ZBTB34: variants seen among roughly 807,000 people sequenced by gnomAD.
ZBTB34 encodes zinc finger and BTB domain-containing protein 34.
ZBTB34 carries 1 observed loss-of-function variant against 33.4 expected under a neutral mutation model. The ratio of observed to expected loss-of-function variants is 0.03; its 90% CI spans 0.01 to 0.14. ZBTB34 has a LOEUF of 0.14. Ranked by LOEUF, ZBTB34 falls within the 10% of genes least tolerant of loss-of-function variation. ZBTB34 has a pLI of 1.00. For missense variants in ZBTB34, 406 were observed against 657.2 expected (o/e 0.62, Z 4.18); for synonymous variants, 283 against 253.5 (o/e 1.12, Z -1.11).
chr9:126,876,080 C>A (rs762551497), intron 1 of ZBTB34, among the ~76,000 whole-genome samples: 1 of 144,450 alleles, frequency 6.9e-6, no homozygotes, highest in Non-Finnish European at 1.5e-5. Context: ...GATATTGGGG[C>A]TAGCTATTGG....
At chr9:126,862,063 T>C (rs753732161) in intron 1 of ZBTB34, among the ~76,000 whole-genome samples, 3 of 152,156 alleles carry the variant, frequency 2.0e-5, no homozygotes, top group Non-Finnish European at 4.4e-5. Flanking sequence ...GAGACAAGGC[T>C]GTGTGCTGTA....
chr9:126,878,662 A>G (rs927060696), intron 1 of ZBTB34, among the ~76,000 whole-genome samples: 4 of 151,966 alleles, frequency 2.6e-5, no homozygotes, highest in African/African-American at 9.7e-5. Flanking sequence ...GTTGAAAAAT[A>G]CCAATCAGAA....
intron 1 of ZBTB34, among the ~76,000 whole-genome samples, chr9:126,873,785 A>G (rs1022627149): frequency 1.4e-4 from 21 of 148,476 alleles, no homozygotes; most frequent in African/African-American, 5.2e-4. Flanking sequence ...TTGTATTTTT[A>G]GTAGAGACAG....
intron 1 of ZBTB34, among the ~76,000 whole-genome samples, chr9:126,866,729 G>T (rs1199482976): frequency 1.3e-5 from 2 of 151,476 alleles, no homozygotes; most frequent in Non-Finnish European, 1.5e-5. Flanking sequence ...TAGATTCCTT[G>T]GTTTAAAAAA....
intron 1 of ZBTB34, among the ~76,000 whole-genome samples, chr9:126,868,964 C>T (rs1564221368): frequency 6.6e-6 from 1 of 151,884 alleles, no homozygotes; most frequent in Non-Finnish European, 1.5e-5. Context: ...TACACGGTGG[C>T]CGCGGGGCCC....
rs1460584403 is a variant in ZBTB34, at chr9:126,879,747, G to A, written c.348G>A (p.Gln116=). The change falls in exon 2 of 2, where the codon CAG becomes CAA. Residue 116 remains glutamine, a synonymous_variant. Coordinates refer to ENST00000319119, the Ensembl canonical transcript of ZBTB34. This position sits in a 1 kb window ranked among gnomAD's most constrained non-coding sequence, Gnocchi z 6.4. Reference sequence around the variant, plus strand: ...CTGCAGCCAGCTTTCTTCAGATGCAGTGTGTCATTGACAAGTGCACGCAGA... The same window carrying A: ...CTGCAGCCAGCTTTCTTCAGATGCAATGTGTCATTGACAAGTGCACGCAGA... 6.2e-7 allele frequency: 1 copy of A among 1,613,526 alleles called. No individual in the cohort carries two copies. Among genetic ancestry groups the A allele is most frequent in the Non-Finnish European group, 8.5e-7 (1 of 1,179,906 alleles).
chr9:126,863,704 C>G, intron 1 of ZBTB34: 1 of 985,380 alleles, frequency 1.0e-6, no homozygotes, highest in Non-Finnish European at 1.2e-6. Flanking sequence ...TGGAAGAATG[C>G]AAGTCAAGGT....
exon 2 of ZBTB34, chr9:126,881,423 A>G (rs1046365053): frequency 6.1e-6 from 1 of 163,748 alleles, no homozygotes; most frequent in Non-Finnish European, 1.5e-5. Context: ...TTCAAATTTG[A>G]TTTTATTCTG....
At chr9:126,873,813 C>G (rs2033314786) in intron 1 of ZBTB34, among the ~76,000 whole-genome samples, 1 of 151,632 alleles carries the variant, frequency 6.6e-6, no homozygotes, top group Admixed American at 6.6e-5. Context: ...CCAGGTCGAT[C>G]AGGCTGTTCT....
At chr9:126,876,566 G>A (rs1289114538) in intron 1 of ZBTB34, among the ~76,000 whole-genome samples, 2 of 152,120 alleles carry the variant, frequency 1.3e-5, no homozygotes, top group East Asian at 1.9e-4. Flanking sequence ...GTATTTGCTA[G>A]CATTTCTGTT....
rs915787518 is a variant in ZBTB34 at position 126,879,335 on chromosome 9, A to T, written c.-10-55A>T. The T allele has an allele frequency of 1.4e-6, 2 of 1,440,194 alleles. No individual in the cohort carries two copies. The highest frequency in any genetic ancestry group is 1.4e-5 in the African/African-American group (1 of 70,866). 89.2% of individuals were successfully genotyped at this position (1,440,194 alleles called of 1,614,324 possible). On this transcript the variant is annotated intron_variant, in intron 1 of 1. Transcript: ENST00000319119. The surrounding 1 kb of genome is among the most constrained non-coding windows in gnomAD (Gnocchi z 6.4). ...GTTGTTGTAAGCTTGTGTTTATGCC[A>T]CTTGTACTTAGTGAGGAGTCATTGG...
At chr9:126,872,601 C>T (rs1408166339) in intron 1 of ZBTB34, among the ~76,000 whole-genome samples, 1 of 151,508 alleles carries the variant, frequency 6.6e-6, no homozygotes, top group Non-Finnish European at 1.5e-5. Flanking sequence ...CCTCCTCTAT[C>T]CTGGGATCAC....
chr9:126,872,072 G>T (rs969787523), intron 1 of ZBTB34, among the ~76,000 whole-genome samples: 1 of 151,742 alleles, frequency 6.6e-6, no homozygotes, highest in Non-Finnish European at 1.5e-5. Flanking sequence ...TCAGCCTCCC[G>T]AGTAGCTGGG....
In ZBTB34 at chr9:126,880,771, G is replaced by A. The variant is rs777644344; in HGVS notation, c.1372G>A (p.Val458Ile). 14 of 1,613,628 alleles carry A rather than the reference G, an allele frequency of 8.7e-6. No homozygotes were observed. The East Asian group carries it at 1.1e-4, about 13-fold the overall frequency. ...GCACTTGCGGAAAAACCACCCAGGC[G>A]TTGCTGAAGTCAGGAGTCGCATTGA... The change falls in exon 2 of 2, where the codon GTT becomes ATT. Residue 458 changes from valine to isoleucine, a missense_variant. Coordinates refer to ENST00000319119, the Ensembl canonical transcript of ZBTB34. This position sits in a 1 kb window ranked among gnomAD's most constrained non-coding sequence, Gnocchi z 6.7.
At chr9:126,874,206 T>A (rs540292487) in intron 1 of ZBTB34, among the ~76,000 whole-genome samples, 124 of 149,272 alleles carry the variant, frequency 8.3e-4, no homozygotes, top group Non-Finnish European at 1.5e-3. Flanking sequence ...CATGCCCGGC[T>A]AATTTTTTTT....
rs1342797131 is a variant in ZBTB34 at position 126,880,500 on chromosome 9, G to T, written c.1101G>T (p.Gly367=). 19 of 1,613,728 alleles carry T rather than the reference G, an allele frequency of 1.2e-5. No homozygotes were observed. Among genetic ancestry groups the T allele is most frequent in the Non-Finnish European group, 1.5e-5 (18 of 1,179,902 alleles). ...GTCCCCGGGAGAGGAGTGCGAGAGG[G>T]CATTGGTACCCGTACAATGAGAGGT... The change falls in exon 2 of 2, where the codon GGG becomes GGT. Residue 367 remains glycine, a synonymous_variant. Transcript: ENST00000319119. The surrounding 1 kb of genome is among the most constrained non-coding windows in gnomAD (Gnocchi z 6.7).
intron 1 of ZBTB34, among the ~76,000 whole-genome samples, chr9:126,875,845 A>T (rs1172109503): frequency 2.0e-5 from 3 of 152,088 alleles, no homozygotes; most frequent in Non-Finnish European, 4.4e-5. Context: ...ATGGCAGATA[A>T]CCTTGTATAT....
At chr9:126,870,835 G>C (rs1408708647) in intron 1 of ZBTB34, among the ~76,000 whole-genome samples, 2 of 152,064 alleles carry the variant, frequency 1.3e-5, no homozygotes, top group South Asian at 2.1e-4. Context: ...GCTGAGGCAA[G>C]AGAATCACTT....
chr9:126,876,109 G>A (rs572401012), intron 1 of ZBTB34, among the ~76,000 whole-genome samples: 16 of 135,468 alleles, frequency 1.2e-4, no homozygotes, highest in African/African-American at 4.2e-4. Context: ...TCTACTAAAT[G>A]CATTTTGGGA....
Sources: allele counts gnomAD v4.1 joint callset (sites outside exome capture counted in the v4.1 genomes callset), GRCh38; gene constraint gnomAD v4.1.1; non-coding constraint Gnocchi (gnomAD v3.1); transcripts MANE v1.5; gene names NCBI Gene and HGNC (gene_info 2026-07-23, HGNC 2026-07-21).